GMDS: variants seen among roughly 807,000 people sequenced by gnomAD.
GMDS encodes GDP-mannose 4,6 dehydratase.
In GMDS, 20 loss-of-function variants were observed where a neutral mutation model predicts 49.9. That is an observed-to-expected ratio of 0.40 (90% CI 0.28 to 0.58). The LOEUF (loss-of-function observed/expected upper bound fraction) is 0.58, where lower values mean the gene tolerates loss of function less well. GMDS is among the 20% of genes least tolerant of loss of function. The probability of loss-of-function intolerance (pLI) is 0.42; values close to 1 mark genes in which losing one functional copy is unlikely to be tolerated. For missense variants in GMDS, 362 were observed against 481.4 expected (o/e 0.75, Z 2.32); for synonymous variants, 177 against 178.6 (o/e 0.99, Z 0.07).
chr6:1,864,542 G>A (rs1023693385), intron 7 of GMDS, among the ~76,000 whole-genome samples: 2 of 152,142 alleles, frequency 1.3e-5, no homozygotes, highest in African/African-American at 4.8e-5. Flanking sequence ...ATATAACCAG[G>A]GAGGAAAGCA....
At chr6:1,906,918 C>A (rs1660468479) in intron 7 of GMDS, among the ~76,000 whole-genome samples, 1 of 152,170 alleles carries the variant, frequency 6.6e-6, no homozygotes, top group African/African-American at 2.4e-5. Context: ...AGAGAACCCA[C>A]CGTAGGGGCT....
intron 9 of GMDS, among the ~76,000 whole-genome samples, chr6:1,713,034 G>C (rs1766027654): frequency 6.6e-6 from 1 of 152,150 alleles, no homozygotes; most frequent in African/African-American, 2.4e-5. Context: ...TTCTCCCAAA[G>C]CAACAAATCC....
intron 7 of GMDS, among the ~76,000 whole-genome samples, chr6:1,880,905 C>T (rs551412100): frequency 6.6e-6 from 1 of 151,936 alleles, no homozygotes; most frequent in Non-Finnish European, 1.5e-5. Flanking sequence ...ACTAGATAGA[C>T]AGGTACTTAG....
intron 9 of GMDS, among the ~76,000 whole-genome samples, chr6:1,638,441 GAA>G (rs1763229737): frequency 6.6e-6 from 1 of 152,110 alleles, no homozygotes; most frequent in African/African-American, 2.4e-5. Flanking sequence ...CCATGATCCT[GAA>G]CTTTATACTT....
At chr6:2,111,162 A>G (rs1774522779) in intron 4 of GMDS, among the ~76,000 whole-genome samples, 1 of 152,232 alleles carries the variant, frequency 6.6e-6, no homozygotes, top group South Asian at 2.1e-4. Context: ...TTAAACAATT[A>G]AGCAACACTA....
chr6:2,173,790 G>A (rs765256725), intron 1 of GMDS, among the ~76,000 whole-genome samples: 4 of 152,180 alleles, frequency 2.6e-5, no homozygotes, highest in Admixed American at 6.5e-5. Context: ...TTATAAAATA[G>A]ATGGTTTCCA....
intron 4 of GMDS, among the ~76,000 whole-genome samples, chr6:1,987,910 G>A (rs961059046): frequency 6.6e-6 from 1 of 151,522 alleles, no homozygotes; most frequent in Non-Finnish European, 1.5e-5. Context: ...TTTACCTCTC[G>A]AAAAAAAACT....
intron 9 of GMDS, among the ~76,000 whole-genome samples, chr6:1,661,957 C>T (rs914819093): frequency 3.9e-5 from 6 of 152,186 alleles, no homozygotes; most frequent in African/African-American, 1.4e-4. Flanking sequence ...GACAGCTACA[C>T]TGGGGAGATG....
Position 2,013,925 on chromosome 6 carries a change from CATATATAT to C in GMDS, c.346-52967_346-52960del, listed in dbSNP as rs10523956. Among the ~76,000 whole-genome samples, 310 of 125,146 alleles carry C rather than the reference CATATATAT, an allele frequency of 2.5e-3. 7 individuals carry two copies. The highest frequency in any genetic ancestry group is 2.9e-3 in the East Asian group (13 of 4,556). 82.1% of individuals were successfully genotyped at this position (125,146 alleles called of 152,430 possible). A position where few individuals can be genotyped will look rare whatever the true frequency, so the allele number is the denominator to read the frequency against. On this transcript the variant is annotated intron_variant, in intron 4 of 10. Coordinates refer to ENST00000380815, the MANE Select transcript of GMDS (RefSeq NM_001500.4). The stretch of plus-strand genomic sequence containing the variant: ...AGAGAACACCAGAGAGGATAAAAAC[CATATATAT>C]ATATATATATATATATATATATATA...
chr6:2,159,958 C>T (rs1224361781), intron 1 of GMDS, among the ~76,000 whole-genome samples: 2 of 151,950 alleles, frequency 1.3e-5, no homozygotes, highest in Admixed American at 1.3e-4. Flanking sequence ...ATAAAATATG[C>T]AATTTTATAG....
chr6:1,719,376 T>G (rs1766286198), intron 9 of GMDS, among the ~76,000 whole-genome samples: 1 of 152,156 alleles, frequency 6.6e-6, no homozygotes, highest in Admixed American at 6.5e-5. Context: ...TGGGCATGAC[T>G]ACATTTCAGC....
intron 7 of GMDS, among the ~76,000 whole-genome samples, chr6:1,898,014 C>T (rs1377767734): frequency 7.9e-6 from 1 of 125,826 alleles, no homozygotes; most frequent in Admixed American, 8.1e-5. Flanking sequence ...CCTACCCTGG[C>T]CTCCCTTGCC....
Position 1,744,963 on chromosome 6 carries a change from G to A in GMDS, c.772-2377C>T, listed in dbSNP as rs115885032. 3.1e-3 allele frequency among the ~76,000 whole-genome samples: 466 copies of A among 150,522 alleles called. 2 individuals carry two copies. Among genetic ancestry groups the A allele is most frequent in the African/African-American group, 0.011 (451 of 41,266 alleles). On this transcript the variant is annotated intron_variant, in intron 7 of 10. Transcript: ENST00000380815. ...CCCAAGTGGGCGCACGAGTGTACCCGTGGACACACACAGAGGCACACGTGC... is the reference window on the plus strand; with the variant it reads ...CCCAAGTGGGCGCACGAGTGTACCCATGGACACACACAGAGGCACACGTGC...
intron 9 of GMDS, among the ~76,000 whole-genome samples, chr6:1,658,637 A>C (rs956550305): frequency 6.6e-6 from 1 of 152,288 alleles, no homozygotes; most frequent in African/African-American, 2.4e-5. Context: ...AAATACTTCT[A>C]GAGTAAGATT....
intron 4 of GMDS, among the ~76,000 whole-genome samples, chr6:2,080,418 G>C (rs1455337147): frequency 1.3e-5 from 2 of 152,090 alleles, no homozygotes; most frequent in African/African-American, 4.8e-5. Context: ...GTTGCTACTT[G>C]GGCATCTGGT....
At chr6:2,045,330 A>T (rs1303992745) in intron 4 of GMDS, among the ~76,000 whole-genome samples, 5 of 151,650 alleles carry the variant, frequency 3.3e-5, no homozygotes, top group Non-Finnish European at 7.4e-5. Context: ...TTCATTAATT[A>T]TATTGTTTAT....
intron 7 of GMDS, among the ~76,000 whole-genome samples, chr6:1,845,729 C>T (rs3778537): frequency 0.47 from 72,120 of 151,924 alleles, 20,286 homozygotes; most frequent in Non-Finnish European, 0.62. Context: ...ATAAGGAGCG[C>T]ATAACCTAGC....
chr6:2,210,882 T>G (rs925379104), intron 1 of GMDS, among the ~76,000 whole-genome samples: 1 of 152,172 alleles, frequency 6.6e-6, no homozygotes, highest in Non-Finnish European at 1.5e-5. Flanking sequence ...TGGGAGATAA[T>G]TGGATCATGG....
At chr6:1,912,587 A>G (rs1015121904) in intron 7 of GMDS, among the ~76,000 whole-genome samples, 1 of 152,190 alleles carries the variant, frequency 6.6e-6, no homozygotes, top group Non-Finnish European at 1.5e-5. Flanking sequence ...CCCTTAAAAA[A>G]AGAAAAAGAA....
Sources: gnomAD v4.1 joint callset for allele counts (sites outside exome capture counted in the v4.1 genomes callset) on GRCh38, gnomAD v4.1.1 for gene constraint, MANE v1.5 for transcripts, NCBI Gene and HGNC (gene_info 2026-07-23, HGNC 2026-07-21) for gene names.